PHF14: variants seen among roughly 807,000 people sequenced by gnomAD.
PHF14 encodes PHD finger protein 14.
Under a neutral mutation model 117.9 loss-of-function variants are expected in PHF14, and 55 were observed. The ratio of observed to expected loss-of-function variants is 0.47; its 90% CI spans 0.38 to 0.58. PHF14 has a LOEUF of 0.58. PHF14 is among the 20% of genes least tolerant of loss of function. The pLI, the probability that PHF14 is intolerant of heterozygous loss-of-function variation, is 0.00. For synonymous variants in PHF14, 409 were observed against 368.6 expected (o/e 1.11, Z -1.26); for missense variants, 978 against 1,122.2 (o/e 0.87, Z 1.84).
In PHF14 at chr7:11,051,620, C is replaced by T. The variant is rs368750971; in HGVS notation, c.2321C>T (p.Ser774Leu). 2.5e-6 allele frequency: 4 copies of T among 1,610,930 alleles called. No individual in the cohort carries two copies. The highest frequency in any genetic ancestry group is 2.7e-5 in the African/African-American group (2 of 74,794). Residue 774 changes from serine to leucine, a missense_variant, in exon 14 of 18, where the codon TCG becomes TTG. Ser to Leu is a moderately radical substitution (Grantham distance 145). Transcript: ENST00000634607. ...RKTKNSYWQCSECDQAGSSDM... is the reference protein window; with the variant it reads ...RKTKNSYWQCLECDQAGSSDM... ...TTTTCCCCTTTATGTAGGCAGTGCT[C>T]GGAATGTGACCAGGCAGGGAGCAGT... is the stretch of plus-strand genomic sequence containing the variant.
chr7:11,026,264 C>A (rs1021031190), intron 6 of PHF14, among the ~76,000 whole-genome samples: 4 of 152,250 alleles, frequency 2.6e-5, no homozygotes, highest in African/African-American at 9.6e-5. Flanking sequence ...TGATCATTAA[C>A]ATTTTTTAGC....
At chr7:11,018,052 G>A (rs189758224) in intron 5 of PHF14, among the ~76,000 whole-genome samples, 3 of 152,166 alleles carry the variant, frequency 2.0e-5, no homozygotes, top group South Asian at 4.1e-4. Flanking sequence ...TGGCACCTTT[G>A]TTAGGCACTA....
At chr7:11,063,550 T>G in intron 16 of PHF14, 1 of 974,442 alleles carries the variant, frequency 1.0e-6, no homozygotes, top group Non-Finnish European at 1.2e-6. Flanking sequence ...GGTGATCCTT[T>G]TATTAATTAT....
intron 16 of PHF14, 195 bp from the exon 17 acceptor site, chr7:11,111,155 G>A (rs1358962947): frequency 2.0e-5 from 9 of 453,216 alleles, no homozygotes; most frequent in Admixed American, 4.0e-5. Flanking sequence ...GTTGTATTTT[G>A]TTTTTGCTAA....
rs112895610 is a variant in PHF14 at position 10,975,770 on chromosome 7, G to GA, written c.112+827dup. 3.5e-3 allele frequency among the ~76,000 whole-genome samples: 527 copies of GA among 152,230 alleles called. 1 individual carries two copies. The highest frequency in any genetic ancestry group is 0.012 in the African/African-American group (509 of 41,548). ...TGAGATGAAAATTTAAATAAAATGA[G>GA]AAGTAAAAGCCTTTCCAGTTTCATC... is the stretch of plus-strand genomic sequence containing the variant. On this transcript the variant is annotated intron_variant, in intron 2 of 17. Coordinates refer to ENST00000634607, the MANE Select transcript of PHF14 (RefSeq NM_001007157.2).
intron 14 of PHF14, among the ~76,000 whole-genome samples, chr7:11,056,594 T>A (rs1313365471): frequency 6.6e-6 from 1 of 152,024 alleles, no homozygotes. Flanking sequence ...CAGAAACAGA[T>A]GACACCTTGT....
At chr7:11,093,202 C>A (rs1266744255) in intron 16 of PHF14, among the ~76,000 whole-genome samples, 1 of 152,162 alleles carries the variant, frequency 6.6e-6, no homozygotes, top group East Asian at 1.9e-4. Flanking sequence ...TTAATTGCAT[C>A]TTTAATATCT....
At chr7:11,092,863 T>C (rs1012002984) in intron 16 of PHF14, among the ~76,000 whole-genome samples, 4 of 152,210 alleles carry the variant, frequency 2.6e-5, no homozygotes, top group Non-Finnish European at 4.4e-5. Context: ...CTCAGAATTA[T>C]TAAAAGCTCT....
At chr7:11,166,038 G>T (rs999285838) in intron 17 of PHF14, among the ~76,000 whole-genome samples, 2 of 152,154 alleles carry the variant, frequency 1.3e-5, no homozygotes, top group Non-Finnish European at 2.9e-5. Flanking sequence ...GATATTACAG[G>T]TGTTACTGTT....
chr7:11,011,847 G>A (rs1783367810), intron 4 of PHF14, among the ~76,000 whole-genome samples: 1 of 152,196 alleles, frequency 6.6e-6, no homozygotes, highest in Non-Finnish European at 1.5e-5. Context: ...ACTATCATCA[G>A]TAGAGAAGTG....
chr7:11,093,816 G>A (rs1786739995), intron 16 of PHF14, among the ~76,000 whole-genome samples: 1 of 152,082 alleles, frequency 6.6e-6, no homozygotes, highest in Non-Finnish European at 1.5e-5. Flanking sequence ...TGTGTCTTTG[G>A]CACATCTTGT....
chr7:11,032,990 ATATTAAAATGG>A (rs1363174774), intron 7 of PHF14, among the ~76,000 whole-genome samples: 4 of 152,306 alleles, frequency 2.6e-5, no homozygotes, highest in African/African-American at 9.6e-5. Flanking sequence ...CATAAAATTG[ATATTAAAATGG>A]TAGAACCCAC....
intron 17 of PHF14, among the ~76,000 whole-genome samples, chr7:11,150,938 A>C (rs1788683878): frequency 6.6e-6 from 1 of 152,190 alleles, no homozygotes; most frequent in Admixed American, 6.5e-5. Context: ...TGAAATGTAC[A>C]AACATTCAAG....
chr7:11,083,576 T>C (rs1786255791), intron 16 of PHF14, among the ~76,000 whole-genome samples: 1 of 148,932 alleles, frequency 6.7e-6, no homozygotes, highest in Non-Finnish European at 1.5e-5. Context: ...TTCTCCTGCC[T>C]CAGCCTCCCG....
chr7:11,049,759 G>A (rs1438812980), intron 13 of PHF14, among the ~76,000 whole-genome samples: 2 of 152,130 alleles, frequency 1.3e-5, no homozygotes, highest in Non-Finnish European at 2.9e-5. Context: ...GATTCTGTAA[G>A]GTGTGTATTT....
intron 6 of PHF14, among the ~76,000 whole-genome samples, chr7:11,023,780 A>G (rs1189038926): frequency 6.6e-6 from 1 of 152,116 alleles, no homozygotes; most frequent in African/African-American, 2.4e-5. Context: ...GTGAGCTGAG[A>G]TTGCGCCACG....
At chr7:11,062,986 A>T (rs765555840) in intron 16 of PHF14, 2 of 856,556 alleles carry the variant, frequency 2.3e-6, no homozygotes, top group South Asian at 1.1e-4. Context: ...AAGAATAAAC[A>T]TATTGATAAA....
At chr7:11,026,687 G>A (rs1783922040) in intron 6 of PHF14, among the ~76,000 whole-genome samples, 1 of 150,166 alleles carries the variant, frequency 6.7e-6, no homozygotes, top group South Asian at 2.1e-4. Flanking sequence ...TACGTTATCT[G>A]ATGTCTAGTT....
chr7:11,149,496 G>C (rs772139654), intron 17 of PHF14, among the ~76,000 whole-genome samples: 17 of 152,004 alleles, frequency 1.1e-4, no homozygotes, highest in Non-Finnish European at 1.8e-4. Flanking sequence ...CAAATCTTAT[G>C]GCCCTTTAAA....
Sources: gnomAD v4.1 joint callset for allele counts (sites outside exome capture counted in the v4.1 genomes callset) on GRCh38, gnomAD v4.1.1 for gene constraint, MANE v1.5 for transcripts, NCBI Gene and HGNC (gene_info 2026-07-23, HGNC 2026-07-21) for gene names.